Variants in PLGRKT observed in about 807,000 individuals in gnomAD.
PLGRKT encodes the protein plasminogen receptor (KT).
In PLGRKT, 22 loss-of-function variants were observed where a neutral mutation model predicts 18.5. That is an observed-to-expected ratio of 1.19 (90% CI 0.85 to 1.70). The LOEUF (loss-of-function observed/expected upper bound fraction) is 1.70. Among genes scored for constraint, PLGRKT ranks in the 40% most tolerant of loss-of-function variants. PLGRKT has a pLI of 0.00. For missense variants in PLGRKT, 235 were observed against 174.4 expected, an observed-to-expected ratio of 1.35 and a Z score of -1.96; for synonymous variants, 72 against 52.8, an observed-to-expected ratio of 1.36 and a Z score of -1.58.
At chr9:5,398,387 C>G (rs4008398) in intron 3 of PLGRKT, among the ~76,000 whole-genome samples, 16 of 151,878 alleles carry the variant, frequency 1.1e-4, no homozygotes, top group African/African-American at 2.4e-4. Flanking sequence ...ACAATGACAA[C>G]CGATCCAAGG....
chr9:5,364,796 T>C (rs1355719931), intron 3 of PLGRKT, among the ~76,000 whole-genome samples: 2 of 152,170 alleles, frequency 1.3e-5, no homozygotes, highest in African/African-American at 2.4e-5. Context: ...TGACAGAAGA[T>C]GGTGGAAGCC....
chr9:5,428,502 G>A (rs1818744934), intron 3 of PLGRKT, among the ~76,000 whole-genome samples: 1 of 152,178 alleles, frequency 6.6e-6, no homozygotes, highest in African/African-American at 2.4e-5. Flanking sequence ...AAATAATGAT[G>A]GCTCTGAGTG....
chr9:5,404,058 C>A (rs1376994653), intron 3 of PLGRKT, among the ~76,000 whole-genome samples: 1 of 152,172 alleles, frequency 6.6e-6, no homozygotes, highest in African/African-American at 2.4e-5. Context: ...GACACATACA[C>A]CCTTCTCAAG....
At chr9:5,371,428 C>T (rs1240431364) in intron 3 of PLGRKT, among the ~76,000 whole-genome samples, 1 of 152,144 alleles carries the variant, frequency 6.6e-6, no homozygotes, top group East Asian at 1.9e-4. Context: ...TTTTCCCATG[C>T]TATTCTCATG....
intron 3 of PLGRKT, among the ~76,000 whole-genome samples, chr9:5,380,400 A>G (rs1460842797): frequency 6.6e-6 from 1 of 151,824 alleles, no homozygotes; most frequent in East Asian, 1.9e-4. Flanking sequence ...GAATAAAAAT[A>G]ATAGCTAATA....
intron 3 of PLGRKT, among the ~76,000 whole-genome samples, chr9:5,424,691 T>TATATATATATATATATATACAC (rs201541927): frequency 7.2e-4 from 51 of 70,488 alleles, no homozygotes; most frequent in African/African-American, 3.0e-3. Flanking sequence ...TATATATATA[T>TATATATATATATATATATACAC]ACACACAGGG....
intron 3 of PLGRKT, among the ~76,000 whole-genome samples, chr9:5,378,959 A>G (rs1411885392): frequency 6.6e-6 from 1 of 152,176 alleles, no homozygotes; most frequent in Non-Finnish European, 1.5e-5. Flanking sequence ...ACAATAAAAC[A>G]TCCCAATAAA....
chr9:5,396,834 A>G (rs1818058946), intron 3 of PLGRKT, among the ~76,000 whole-genome samples: 1 of 152,004 alleles, frequency 6.6e-6, no homozygotes, highest in Admixed American at 6.5e-5. Context: ...AGCTATGGAT[A>G]AATCTACAAC....
chr9:5,401,711 A>T (rs1456896602), intron 3 of PLGRKT, among the ~76,000 whole-genome samples: 1 of 152,024 alleles, frequency 6.6e-6, no homozygotes, highest in Admixed American at 6.5e-5. Context: ...TCAAAAGCCA[A>T]TATCACCTTA....
At chr9:5,376,221 T>C (rs1037344467) in intron 3 of PLGRKT, among the ~76,000 whole-genome samples, 1 of 152,130 alleles carries the variant, frequency 6.6e-6, no homozygotes, top group Non-Finnish European at 1.5e-5. Context: ...TTGTGTTTAA[T>C]GGGTACAAGG....
intron 3 of PLGRKT, among the ~76,000 whole-genome samples, chr9:5,423,831 T>C (rs1032328260): frequency 4.9e-5 from 7 of 144,278 alleles, no homozygotes; most frequent in African/African-American, 1.9e-4. Flanking sequence ...GACTCCTGAA[T>C]AGCTGGAACT....
intron 3 of PLGRKT, among the ~76,000 whole-genome samples, chr9:5,404,304 C>T (rs1227466157): frequency 6.6e-6 from 1 of 152,168 alleles, no homozygotes; most frequent in Non-Finnish European, 1.5e-5. Context: ...ATACCAAAAC[C>T]TGGCAGAGAT....
chr9:5,386,384 T>G (rs10975087), intron 3 of PLGRKT, among the ~76,000 whole-genome samples: 38,400 of 151,674 alleles, frequency 0.25, 5,373 homozygotes, highest in Middle Eastern at 0.44. Flanking sequence ...CAGGGGATAT[T>G]TGGCAGTGTC....
intron 3 of PLGRKT, among the ~76,000 whole-genome samples, chr9:5,404,531 T>C (rs1473052876): frequency 1.3e-5 from 2 of 152,172 alleles, no homozygotes; most frequent in Admixed American, 6.5e-5. Context: ...AAAAACCATA[T>C]AATTATCTCA....
chr9:5,429,140 C>G (rs1335779318), intron 3 of PLGRKT, among the ~76,000 whole-genome samples: 3 of 152,220 alleles, frequency 2.0e-5, no homozygotes, highest in Non-Finnish European at 4.4e-5. Context: ...CAACACTCTC[C>G]CTACCCACTA....
intron 3 of PLGRKT, among the ~76,000 whole-genome samples, chr9:5,363,662 C>G (rs1379592842): frequency 6.6e-6 from 1 of 152,120 alleles, no homozygotes. Context: ...GTCTGGGGAT[C>G]CCCAGATGCA....
intron 3 of PLGRKT, among the ~76,000 whole-genome samples, chr9:5,373,575 G>A (rs1308982850): frequency 6.6e-6 from 1 of 152,120 alleles, no homozygotes; most frequent in Non-Finnish European, 1.5e-5. Flanking sequence ...TGAGGCAGGA[G>A]GATCGCTTGA....
intron 3 of PLGRKT, among the ~76,000 whole-genome samples, chr9:5,403,468 G>A (rs1285921567): frequency 2.6e-4 from 39 of 151,958 alleles, no homozygotes; most frequent in Admixed American, 1.5e-3. Context: ...CAGGTGATCC[G>A]CCTGCCTCGG....
intron 3 of PLGRKT, among the ~76,000 whole-genome samples, chr9:5,383,382 G>A (rs1293584960): frequency 1.3e-5 from 2 of 152,200 alleles, no homozygotes; most frequent in Non-Finnish European, 1.5e-5. Flanking sequence ...AGCTGGATCA[G>A]CAAGCACAGT....
Sources: allele counts gnomAD v4.1 joint callset (sites outside exome capture counted in the v4.1 genomes callset), GRCh38; gene constraint gnomAD v4.1.1; transcripts MANE v1.5; gene names NCBI Gene and HGNC (gene_info 2026-07-23, HGNC 2026-07-21).